CRB1: variants seen among roughly 807,000 people sequenced by gnomAD.
The protein encoded by CRB1 is crumbs cell polarity complex component 1, also known as protein crumbs homolog 1.
A neutral mutation model predicts 120.0 loss-of-function variants in CRB1; 83 were observed. The observed-to-expected ratio is 0.69, with a 90% CI of 0.58 to 0.83. The LOEUF is 0.83. Among genes scored for constraint, CRB1 ranks in the 40% least tolerant of loss-of-function variants. The pLI, the probability that CRB1 is intolerant of heterozygous loss-of-function variation, is 0.00. For missense variants in CRB1, 1,699 were observed against 1,687.6 expected, an observed-to-expected ratio of 1.01 and a Z score of -0.12; for synonymous variants, 625 against 612.5, an observed-to-expected ratio of 1.02 and a Z score of -0.30.
chr1:197,345,338 C>G (rs573259774), intron 3 of CRB1, among the ~76,000 whole-genome samples: 1 of 151,836 alleles, frequency 6.6e-6, no homozygotes, highest in Non-Finnish European at 1.5e-5. Context: ...AGAAGACGCC[C>G]GCAAGTTCAC....
At chr1:197,354,070 G>GA (rs1158636171) in intron 4 of CRB1, among the ~76,000 whole-genome samples, 2 of 150,356 alleles carry the variant, frequency 1.3e-5, no homozygotes, top group African/African-American at 4.9e-5. Flanking sequence ...ATTAACTGGG[G>GA]AAAACGTAAA....
chr1:197,378,657 A>G (rs1406072009), intron 5 of CRB1, among the ~76,000 whole-genome samples: 1 of 152,214 alleles, frequency 6.6e-6, no homozygotes, highest in Non-Finnish European at 1.5e-5. Flanking sequence ...GAAACATTTC[A>G]TAAGTGTCAC....
intron 11 of CRB1, among the ~76,000 whole-genome samples, chr1:197,471,148 G>T (rs1329038038): frequency 6.6e-6 from 1 of 152,012 alleles, no homozygotes; most frequent in Non-Finnish European, 1.5e-5. Flanking sequence ...TTCCCAGGAA[G>T]CGTCTTCCAG....
chr1:197,415,209 G>A (rs1663915959), intron 5 of CRB1, among the ~76,000 whole-genome samples: 1 of 152,184 alleles, frequency 6.6e-6, no homozygotes, highest in Non-Finnish European at 1.5e-5. Context: ...ACTGTAAATT[G>A]TAAAGAAATA....
chr1:197,344,920 A>T (rs1378116323), intron 3 of CRB1, among the ~76,000 whole-genome samples: 1 of 152,242 alleles, frequency 6.6e-6, no homozygotes. Flanking sequence ...TTATATCTTG[A>T]ATTAATTTCC....
chr1:197,219,021 A>T, the CRB1 span, among the ~76,000 whole-genome samples: 2 of 152,312 alleles, frequency 1.3e-5, no homozygotes, highest in Non-Finnish European at 2.9e-5. Context: ...ACTAAAGCTC[A>T]TGTAGCTAAC....
the CRB1 span, among the ~76,000 whole-genome samples, chr1:197,235,498 T>C: frequency 2.0e-5 from 3 of 152,204 alleles, no homozygotes; most frequent in African/African-American, 7.2e-5. Flanking sequence ...TGTGTTAACC[T>C]GCTAGATGAT....
chr1:197,215,385 A>G, the CRB1 span, among the ~76,000 whole-genome samples: 1 of 149,920 alleles, frequency 6.7e-6, no homozygotes, highest in Admixed American at 6.7e-5. Context: ...TCAAGCAATT[A>G]TCCTGCCTCA....
chr1:197,387,504 T>C (rs1017952054), intron 5 of CRB1, among the ~76,000 whole-genome samples: 2 of 152,070 alleles, frequency 1.3e-5, no homozygotes, highest in Non-Finnish European at 2.9e-5. Flanking sequence ...CTCCATAGAA[T>C]TCTCTAAATC....
rs768488282 is a variant in CRB1, at chr1:197,427,446, C to T, written c.2129-8C>T. Reference sequence around the variant, plus strand: ...TTTTTCTCCTCCTCCTCTATTTTGACATTGAAGAGTATGTGGCAGGCAGAT... The same window carrying T: ...TTTTTCTCCTCCTCCTCTATTTTGATATTGAAGAGTATGTGGCAGGCAGAT... On this transcript the variant is annotated splice_region_variant and splice_polypyrimidine_tract_variant and intron_variant, in intron 6 of 11. Transcript: ENST00000367400. 12 of 1,612,262 alleles carry T rather than the reference C, an allele frequency of 7.4e-6. No homozygotes were observed. Among genetic ancestry groups the T allele is most frequent in the Non-Finnish European group, 2.5e-6 (3 of 1,178,738 alleles).
At chr1:197,367,207 G>A (rs1326663144) in intron 5 of CRB1, among the ~76,000 whole-genome samples, 1 of 152,120 alleles carries the variant, frequency 6.6e-6, no homozygotes, top group East Asian at 1.9e-4. Flanking sequence ...CTGCTTCTTT[G>A]TATTCTGTTT....
rs374177126 is a variant in CRB1 at position 197,421,689 on chromosome 1, A to G, written c.1861A>G (p.Thr621Ala). The G allele has an allele frequency of 2.5e-6, 4 of 1,614,064 alleles. No individual in the cohort carries two copies. In the African/African-American group the frequency reaches 5.3e-5, roughly 22 times the overall value. ...SFLGGLPVGM[T>A]SNGVALLNFY... The stretch of plus-strand genomic sequence containing the variant: ...TTTGGGTGGTTTACCAGTGGGAATG[A>G]CCAGCAATGGTGTTGCTCTGCTTAA... The change falls in exon 6 of 12, where the codon ACC (threonine) becomes GCC (alanine). Residue 621 changes from threonine to alanine, a missense_variant. Coordinates refer to ENST00000367400, the MANE Select transcript of CRB1 (RefSeq NM_201253.3).
At chr1:197,450,078 C>T (rs1319773416) in intron 11 of CRB1, among the ~76,000 whole-genome samples, 1 of 152,172 alleles carries the variant, frequency 6.6e-6, no homozygotes, top group Admixed American at 6.5e-5. Context: ...TTCAAATTCT[C>T]ATACAGGTCG....
chr1:197,225,936 CTG>C, the CRB1 span, among the ~76,000 whole-genome samples: 1 of 152,108 alleles, frequency 6.6e-6, no homozygotes, highest in Non-Finnish European at 1.5e-5. Context: ...TAATCGCACT[CTG>C]TCACTCAGGC....
Position 197,442,188 on chromosome 1 carries a change from T to C in CRB1, c.3901T>C (p.Cys1301Arg). 1 of 1,614,142 alleles carries C rather than the reference T, an allele frequency of 6.2e-7. No homozygotes were observed. Among genetic ancestry groups the C allele is most frequent in the Non-Finnish European group, 8.5e-7 (1 of 1,180,012 alleles). ...GEWCEKDIDE[C>R]ASDPCVNGGL... ...AAGGTGTGAAAAGGACATTGATGAGTGTGCCTCTGATCCGTGTGTCAATGG... is the reference window on the plus strand; with the variant it reads ...AAGGTGTGAAAAGGACATTGATGAGCGTGCCTCTGATCCGTGTGTCAATGG... Residue 1301 changes from cysteine to arginine, a missense_variant, in exon 11 of 12, where the codon TGT becomes CGT. Transcript: ENST00000367400.
At chr1:197,450,373 A>G (rs1241290627) in intron 11 of CRB1, among the ~76,000 whole-genome samples, 5 of 152,142 alleles carry the variant, frequency 3.3e-5, no homozygotes, top group African/African-American at 1.2e-4. Flanking sequence ...AACATTGATG[A>G]ATGCCAGGGC....
At chr1:197,242,051 C>T in the CRB1 span, among the ~76,000 whole-genome samples, 6 of 152,132 alleles carry the variant, frequency 3.9e-5, no homozygotes, top group Non-Finnish European at 5.9e-5. Context: ...TATCCTGAGA[C>T]TTTGCTGAAG....
the CRB1 span, among the ~76,000 whole-genome samples, chr1:197,249,981 A>G: frequency 1.3e-5 from 2 of 152,044 alleles, no homozygotes; most frequent in Non-Finnish European, 2.9e-5. Flanking sequence ...GTTGTGGTCA[A>G]TATCTACAAG....
intron 2 of CRB1, among the ~76,000 whole-genome samples, chr1:197,337,987 G>A (rs1558063317): frequency 2.0e-5 from 3 of 151,704 alleles, no homozygotes; most frequent in Non-Finnish European, 2.9e-5. Context: ...AATTATGGAA[G>A]TACGAAAATA....
Sources: gnomAD v4.1 joint callset for allele counts (sites outside exome capture counted in the v4.1 genomes callset) on GRCh38, gnomAD v4.1.1 for gene constraint, MANE v1.5 for transcripts, NCBI Gene and HGNC (gene_info 2026-07-23, HGNC 2026-07-21) for gene names.